Variants in TFEC observed in about 807,000 individuals in gnomAD.
TFEC encodes the protein class E basic helix-loop-helix protein 34.
In TFEC, 31 loss-of-function variants were observed where a neutral mutation model predicts 41.6. That is an observed-to-expected ratio of 0.74 (90% CI 0.56 to 1.01). The LOEUF is 1.01. Ranked by LOEUF, TFEC falls within the 50% of genes least tolerant of loss-of-function variation. The pLI is 0.00. For missense variants in TFEC, 402 were observed against 404.1 expected, an observed-to-expected ratio of 0.99 and a Z score of 0.04; for synonymous variants, 143 against 140.6, an observed-to-expected ratio of 1.02 and a Z score of -0.12.
In TFEC at chr7:115,935,442, C is replaced by A. The variant is rs896500760; in HGVS notation, c.*5109G>T. 2.6e-5 allele frequency: 4 copies of A among 151,966 alleles called. No homozygotes were observed. The highest frequency in any genetic ancestry group is 2.6e-4 in the Admixed American group (4 of 15,204). The allele number at this position is 151,966 out of a possible 1,614,324, so 9.4% of individuals were successfully genotyped here. ...TATTAAAGTCAAAGATTTTTAACTA[C>A]ATAATAATTATTAAGATTAAATAGC... is the stretch of plus-strand genomic sequence containing the variant. On this transcript the variant is annotated 3_prime_UTR_variant, in exon 8 of 8. Coordinates refer to ENST00000265440, the MANE Select transcript of TFEC (RefSeq NM_012252.4).
intron 3 of TFEC, among the ~76,000 whole-genome samples, chr7:116,053,103 G>T (rs1292419069): frequency 6.6e-6 from 1 of 152,020 alleles, no homozygotes; most frequent in Non-Finnish European, 1.5e-5. Flanking sequence ...GTCATGGAAG[G>T]TTAACAATGG....
At chr7:116,153,994 C>G (rs1039577261) in intron 1 of TFEC, among the ~76,000 whole-genome samples, 3 of 152,156 alleles carry the variant, frequency 2.0e-5, no homozygotes, top group African/African-American at 4.8e-5. Context: ...TCTCTTAAAG[C>G]AGGGGATTAG....
At chr7:115,972,387 A>G (rs1793173391) in intron 3 of TFEC, among the ~76,000 whole-genome samples, 1 of 152,108 alleles carries the variant, frequency 6.6e-6, no homozygotes, top group Non-Finnish European at 1.5e-5. Flanking sequence ...AGAAATAGAT[A>G]CCAAAGCAAA....
chr7:116,054,644 G>A (rs753077512), intron 3 of TFEC, among the ~76,000 whole-genome samples: 3 of 152,080 alleles, frequency 2.0e-5, no homozygotes, highest in Non-Finnish European at 4.4e-5. Flanking sequence ...TTGAATTTCA[G>A]ATTTTTTTAA....
At chr7:116,000,136 C>T (rs372188427) in intron 1 of TFEC, among the ~76,000 whole-genome samples, 1 of 151,786 alleles carries the variant, frequency 6.6e-6, no homozygotes, top group East Asian at 1.9e-4. Flanking sequence ...GGGATTTATC[C>T]CAAGGATGTA....
chr7:116,129,586 CTTTTT>C (rs932837265), intron 1 of TFEC, among the ~76,000 whole-genome samples: 25 of 106,890 alleles, frequency 2.3e-4, no homozygotes, highest in African/African-American at 8.9e-4. Flanking sequence ...AATATTCTTA[CTTTTT>C]TTTTTTTTTT....
chr7:115,964,106 C>T (rs1240164589), intron 3 of TFEC, among the ~76,000 whole-genome samples: 1 of 151,464 alleles, frequency 6.6e-6, no homozygotes, highest in Non-Finnish European at 1.5e-5. Context: ...TCTATGCTCA[C>T]GGTTGACAAA....
intron 7 of TFEC, 132 bp downstream of exon 7, chr7:115,941,761 G>A (rs532204307): frequency 1.2e-5 from 15 of 1,236,090 alleles, no homozygotes; most frequent in Non-Finnish European, 1.5e-5. Context: ...CTTCTAAAAA[G>A]CAGTAAAATT....
intron 1 of TFEC, among the ~76,000 whole-genome samples, chr7:116,025,689 T>C (rs963784930): frequency 2.6e-5 from 4 of 152,258 alleles, no homozygotes; most frequent in Non-Finnish European, 4.4e-5. Flanking sequence ...CAGTGTGTTC[T>C]ATCAAACCAA....
intron 1 of TFEC, among the ~76,000 whole-genome samples, chr7:116,127,105 T>G (rs866912539): frequency 2.0e-5 from 3 of 151,908 alleles, no homozygotes; most frequent in Admixed American, 1.3e-4. Flanking sequence ...TGTTTTTTGT[T>G]TTTTGTTTTT....
intron 3 of TFEC, among the ~76,000 whole-genome samples, chr7:116,103,889 C>T (rs116030545): frequency 1.3e-5 from 2 of 151,972 alleles, no homozygotes. Flanking sequence ...TTAAAGAGGT[C>T]GCTACTAGTT....
intron 3 of TFEC, among the ~76,000 whole-genome samples, chr7:116,043,589 A>G (rs1796090792): frequency 6.6e-6 from 1 of 152,206 alleles, no homozygotes; most frequent in Non-Finnish European, 1.5e-5. Flanking sequence ...ATTTATTTAC[A>G]TTTATCAAAA....
chr7:115,940,552 T>C lies in TFEC; in HGVS notation c.1043A>G (p.Ter348=), dbSNP rs745995742. 3.1e-6 allele frequency: 5 copies of C among 1,606,112 alleles called. No homozygotes were observed. Among genetic ancestry groups the C allele is most frequent in the East Asian group, 2.2e-5 (1 of 44,764 alleles). ...SFSSDDGDEL[*] ...TGATGAATTGGGTCTGTTTATTTCT[T>C]ATAATTCATCACCATCATCTGAGCT... The change falls in exon 8 of 8, where the codon TAA becomes TGA. Residue 348 remains the stop codon, a stop_retained_variant. Coordinates refer to ENST00000265440, the MANE Select transcript of TFEC (RefSeq NM_012252.4).
chr7:115,977,352 C>T (rs1335730611), intron 2 of TFEC, among the ~76,000 whole-genome samples: 4 of 151,678 alleles, frequency 2.6e-5, no homozygotes, highest in African/African-American at 7.3e-5. Context: ...GATTCAAGGA[C>T]AAAGGAAAAC....
At chr7:116,137,537 A>C (rs1290797122) in intron 1 of TFEC, among the ~76,000 whole-genome samples, 1 of 152,136 alleles carries the variant, frequency 6.6e-6, no homozygotes, top group Non-Finnish European at 1.5e-5. Context: ...CTTTCCAACT[A>C]TGAATTGGGT....
intron 1 of TFEC, among the ~76,000 whole-genome samples, chr7:116,147,709 A>G (rs930770364): frequency 1.3e-5 from 2 of 152,130 alleles, no homozygotes; most frequent in Non-Finnish European, 2.9e-5. Flanking sequence ...CTCAGTGACA[A>G]TAATGGAAGA....
intron 1 of TFEC, among the ~76,000 whole-genome samples, chr7:116,155,545 A>C (rs972079091): frequency 1.3e-5 from 2 of 152,086 alleles, no homozygotes; most frequent in African/African-American, 4.8e-5. Flanking sequence ...GCTTTCTACC[A>C]ACTCTGATGT....
chr7:116,081,779 T>G (rs1797095972), intron 3 of TFEC, among the ~76,000 whole-genome samples: 1 of 152,102 alleles, frequency 6.6e-6, no homozygotes, highest in African/African-American at 2.4e-5. Flanking sequence ...CACTTTATAC[T>G]CAAAGTAATC....
chr7:116,156,896 T>C (rs1798880472), intron 1 of TFEC, among the ~76,000 whole-genome samples: 3 of 152,196 alleles, frequency 2.0e-5, no homozygotes, highest in Admixed American at 2.0e-4. Flanking sequence ...GTTCCACATA[T>C]ACATTTTATA....
Sources: allele counts gnomAD v4.1 joint callset (sites outside exome capture counted in the v4.1 genomes callset), GRCh38; gene constraint gnomAD v4.1.1; transcripts MANE v1.5; gene names NCBI Gene and HGNC (gene_info 2026-07-23, HGNC 2026-07-21).